The following TYW5 variants were observed in gnomAD, a reference collection of about 807,000 sequenced individuals.
TYW5 encodes the protein tRNA-yW synthesizing protein 5.
In TYW5, 36 loss-of-function variants were observed where a neutral mutation model predicts 44.4. That is an observed-to-expected ratio of 0.81 (90% CI 0.62 to 1.07). The LOEUF (loss-of-function observed/expected upper bound fraction) is 1.07, where lower values mean the gene tolerates loss of function less well. Ranked by LOEUF, TYW5 falls within the 50% of genes least tolerant of loss-of-function variation. The probability of loss-of-function intolerance (pLI) is 0.00; values close to 1 mark genes in which losing one functional copy is unlikely to be tolerated. For missense variants in TYW5, 354 were observed against 365.7 expected (o/e 0.97, Z 0.26); for synonymous variants, 121 against 128.1 (o/e 0.94, Z 0.37).
At chr2:199,951,284 T>C (rs2077542855) in intron 1 of TYW5, among the ~76,000 whole-genome samples, 1 of 152,240 alleles carries the variant, frequency 6.6e-6, no homozygotes, top group African/African-American at 2.4e-5. Context: ...CTTACTGTAC[T>C]AACTAGAATT....
At chr2:199,939,260 C>T (rs755991117) in intron 4 of TYW5, among the ~76,000 whole-genome samples, 190 bp from the exon 5 acceptor site, 3 of 152,152 alleles carry the variant, frequency 2.0e-5, no homozygotes, top group Admixed American at 1.3e-4. Flanking sequence ...CCTCCCACCA[C>T]GCCCAGCTAA....
chr2:199,936,019 A>G lies in TYW5; in HGVS notation c.603T>C (p.Asp201=). 1 of 1,612,150 alleles carries G rather than the reference A, an allele frequency of 6.2e-7. No individual in the cohort carries two copies. The change falls in exon 7 of 8, where the codon GAT becomes GAC. Residue 201 remains aspartate, a synonymous_variant. Coordinates refer to ENST00000354611, the MANE Select transcript of TYW5 (RefSeq NM_001039693.3). ...KGTKSEVLNI[D]NPDLAKYPLF... is the part of the protein sequence containing the mutation. ...GTGGATATTTAGCCAAGTCTGGGTT[A>G]TCTATATTCAGTACTTCTGATTTAG...
At chr2:199,939,227 C>T (rs998479501) in intron 4 of TYW5, among the ~76,000 whole-genome samples, 157 bp from the exon 5 acceptor site, 2 of 152,014 alleles carry the variant, frequency 1.3e-5, no homozygotes, top group Non-Finnish European at 2.9e-5. Flanking sequence ...TCTCTCTCCC[C>T]CAAGTAGCTG....
At chr2:199,946,000 A>C (rs960323211) in intron 2 of TYW5, 1 of 152,250 alleles carries the variant, frequency 6.6e-6, no homozygotes, top group African/African-American at 2.4e-5. Flanking sequence ...AAGGAGGGTA[A>C]TGTCAAAGAA....
rs2077381076 is a variant in TYW5 at position 199,931,924 on chromosome 2, C to A, written c.*1143G>T. 1 of 152,078 alleles carries A rather than the reference C, an allele frequency of 6.6e-6. No homozygotes were observed. The highest frequency in any genetic ancestry group is 1.5e-5 in the Non-Finnish European group (1 of 68,002). The allele number at this position is 152,078 out of a possible 1,614,324, so 9.4% of individuals were successfully genotyped here. A position where few individuals can be genotyped will look rare whatever the true frequency, so the allele number is the denominator to read the frequency against. Reference sequence around the variant, plus strand: ...TTCGATGACAACACTTTTAGGATCTCATTTATTCATTCTTTAAGTAATTTT... The same window carrying A: ...TTCGATGACAACACTTTTAGGATCTAATTTATTCATTCTTTAAGTAATTTT... On this transcript the variant is annotated 3_prime_UTR_variant, in exon 8 of 8. Coordinates refer to ENST00000354611, the MANE Select transcript of TYW5 (RefSeq NM_001039693.3).
chr2:199,950,659 T>C (rs964985649), intron 1 of TYW5, among the ~76,000 whole-genome samples: 3 of 151,894 alleles, frequency 2.0e-5, no homozygotes, highest in African/African-American at 7.3e-5. Flanking sequence ...TGTATGTGTG[T>C]GTGTATGTGC....
chr2:199,955,355 C>T (rs1413564987), intron 1 of TYW5, 38 bp downstream of exon 1: 7 of 1,605,604 alleles, frequency 4.4e-6, no homozygotes, highest in Non-Finnish European at 6.0e-6. Flanking sequence ...GTGTCTCTCG[C>T]TGGTTTCTCG....
intron 7 of TYW5, among the ~76,000 whole-genome samples, chr2:199,935,379 T>C (rs1217569806): frequency 2.0e-5 from 3 of 151,662 alleles, no homozygotes; most frequent in Non-Finnish European, 2.9e-5. Flanking sequence ...CACAGTGGAG[T>C]ACAGTGATTC....
rs2077355238 is a variant in TYW5 at position 199,929,356 on chromosome 2, T to C, written c.*3711A>G. Among the ~76,000 whole-genome samples, 1 of 152,100 alleles carries C rather than the reference T, an allele frequency of 6.6e-6. No homozygotes were observed. The highest frequency in any genetic ancestry group is 2.4e-5 in the African/African-American group (1 of 41,422). ...GTATAATAAAAAAATAAATAGAGAC[T>C]ACAACTTAGGTATATTTAAGACACC... On this transcript the variant is annotated 3_prime_UTR_variant, in exon 8 of 8. Transcript: ENST00000354611.
At chr2:199,939,344 C>G (rs2077446789) in intron 4 of TYW5, among the ~76,000 whole-genome samples, 1 of 152,110 alleles carries the variant, frequency 6.6e-6, no homozygotes, top group Non-Finnish European at 1.5e-5. Flanking sequence ...CTCAGGTGAT[C>G]CACCCACCTC....
intron 1 of TYW5, among the ~76,000 whole-genome samples, chr2:199,952,633 T>C (rs2077554816): frequency 1.3e-5 from 2 of 152,232 alleles, no homozygotes; most frequent in Admixed American, 6.5e-5. Context: ...CAAATTTGCT[T>C]ACAGTGTTTC....
chr2:199,953,391 A>T (rs1424324422), intron 1 of TYW5, among the ~76,000 whole-genome samples: 1 of 152,190 alleles, frequency 6.6e-6, no homozygotes, highest in Non-Finnish European at 1.5e-5. Context: ...TACCACTCTA[A>T]TGAGGGGATG....
intron 1 of TYW5, among the ~76,000 whole-genome samples, chr2:199,952,550 A>G (rs554069814): frequency 1.2e-4 from 18 of 152,208 alleles, no homozygotes; most frequent in Non-Finnish European, 1.6e-4. Flanking sequence ...AGTTCTTTCC[A>G]TACAAGGGCT....
intron 1 of TYW5, among the ~76,000 whole-genome samples, chr2:199,951,152 A>T (rs1422831468): frequency 6.6e-6 from 1 of 152,212 alleles, no homozygotes; most frequent in Non-Finnish European, 1.5e-5. Context: ...GTGACCAGAA[A>T]TATGCCACTG....
chr2:199,929,949 C>T lies in TYW5; in HGVS notation c.*3118G>A, dbSNP rs1002825547. On this transcript the variant is annotated 3_prime_UTR_variant, in exon 8 of 8. Transcript: ENST00000354611. ...CTGGGACTACAGGTGTGGACCACCA[C>T]TCCCCAGCTCTGCATATAATATTTT... 6.5e-6 allele frequency: 1 copy of T among 152,706 alleles called. No individual in the cohort carries two copies. The highest frequency in any genetic ancestry group is 6.6e-5 in the Admixed American group (1 of 15,046). 9.5% of individuals were successfully genotyped at this position (152,706 alleles called of 1,614,324 possible).
chr2:199,931,047 T>C lies in TYW5; in HGVS notation c.*2020A>G, dbSNP rs983436118. On this transcript the variant is annotated 3_prime_UTR_variant, in exon 8 of 8. Transcript: ENST00000354611. Reference sequence around the variant, plus strand: ...AATAAACAGACCCTAATATTAATTATGACCAGGGAAATAATTTTAAAACAT... The same window carrying C: ...AATAAACAGACCCTAATATTAATTACGACCAGGGAAATAATTTTAAAACAT... The C allele has an allele frequency of 6.6e-6, 1 of 152,188 alleles. No individual in the cohort carries two copies. The highest frequency in any genetic ancestry group is 1.5e-5 in the Non-Finnish European group (1 of 68,022). The allele number at this position is 152,188 out of a possible 1,614,324, so 9.4% of individuals were successfully genotyped here.
At chr2:199,954,055 T>C (rs950094937) in intron 1 of TYW5, among the ~76,000 whole-genome samples, 2 of 151,576 alleles carry the variant, frequency 1.3e-5, no homozygotes, top group Non-Finnish European at 2.9e-5. Context: ...TCCTCTCCCG[T>C]AGGTTGCTAT....
rs1167981858 is a variant in TYW5 at position 199,932,540 on chromosome 2, T to C, written c.*527A>G. 6.4e-6 allele frequency: 1 copy of C among 156,794 alleles called. No individual in the cohort carries two copies. The highest frequency in any genetic ancestry group is 1.4e-5 in the Non-Finnish European group (1 of 70,928). 9.7% of individuals were successfully genotyped at this position (156,794 alleles called of 1,614,324 possible). A position where few individuals can be genotyped will look rare whatever the true frequency, so the allele number is the denominator to read the frequency against. On this transcript the variant is annotated 3_prime_UTR_variant, in exon 8 of 8. Coordinates refer to ENST00000354611, the MANE Select transcript of TYW5 (RefSeq NM_001039693.3). ...CAATGAGACCTAAGGATATGGAAAG[T>C]GAATTCTGGGAAAGCTTTCTCATAC...
At chr2:199,936,975 T>C (rs2077425691) in intron 5 of TYW5, among the ~76,000 whole-genome samples, 1 of 152,206 alleles carries the variant, frequency 6.6e-6, no homozygotes, top group Non-Finnish European at 1.5e-5. Flanking sequence ...AAATTATTTC[T>C]ATAGGAATAT....
Sources: allele counts gnomAD v4.1 joint callset (sites outside exome capture counted in the v4.1 genomes callset), GRCh38; gene constraint gnomAD v4.1.1; transcripts MANE v1.5; gene names NCBI Gene and HGNC (gene_info 2026-07-23, HGNC 2026-07-21).